The following KCNK2 variants were observed in gnomAD, a reference collection of about 807,000 sequenced individuals.
KCNK2 encodes potassium channel subfamily K member 2.
In KCNK2, 21 loss-of-function variants were observed where a neutral mutation model predicts 40.5. The observed-to-expected ratio is 0.52, with a 90% CI of 0.37 to 0.75. KCNK2 has a LOEUF of 0.75. Among genes scored for constraint, KCNK2 ranks in the 30% least tolerant of loss-of-function variants. The pLI is 0.00. For missense variants in KCNK2, 399 were observed against 531.6 expected (o/e 0.75, Z 2.45); for synonymous variants, 191 against 202.2 (o/e 0.94, Z 0.47).
At chr1:215,064,234 A>G (rs1256856112) in intron 1 of KCNK2, among the ~76,000 whole-genome samples, 1 of 152,208 alleles carries the variant, frequency 6.6e-6, no homozygotes, top group Non-Finnish European at 1.5e-5. Flanking sequence ...AACATCTAAA[A>G]TATCTTGAAA....
At chr1:215,172,325 A>T in intron 5 of KCNK2, 142 bp downstream of exon 5, 1 of 682,366 alleles carries the variant, frequency 1.5e-6, no homozygotes. Context: ...GGGTGGCTTT[A>T]AACAAAGCAA....
chr1:215,121,793 T>A (rs1444543086), intron 2 of KCNK2, among the ~76,000 whole-genome samples: 2 of 152,210 alleles, frequency 1.3e-5, no homozygotes, highest in African/African-American at 4.8e-5. Flanking sequence ...GTTTCTCTTC[T>A]CACTATGTAT....
intron 1 of KCNK2, among the ~76,000 whole-genome samples, chr1:215,061,502 A>G (rs1658359653): frequency 6.6e-6 from 1 of 152,162 alleles, no homozygotes; most frequent in African/African-American, 2.4e-5. Context: ...TTAAAAGTTA[A>G]AAGAAAAAAA....
chr1:215,124,536 C>A, intron 2 of KCNK2, 97 bp from the exon 3 acceptor site: 1 of 774,032 alleles, frequency 1.3e-6, no homozygotes, highest in Non-Finnish European at 2.3e-6. Flanking sequence ...AGAGTTGATT[C>A]TCTTTGTCAA....
At chr1:215,093,780 TATATTATATATTATATA>T (rs1659833109) in intron 2 of KCNK2, among the ~76,000 whole-genome samples, 1 of 15,444 alleles carries the variant, frequency 6.5e-5, no homozygotes, top group South Asian at 7.4e-4. Context: ...AAATATATTA[TATATTATATATTATATA>T]ATATAAAATA....
chr1:215,085,330 A>G (rs1280354671), intron 1 of KCNK2, among the ~76,000 whole-genome samples: 1 of 152,256 alleles, frequency 6.6e-6, no homozygotes, highest in East Asian at 1.9e-4. Context: ...TTTTTAGTTC[A>G]ATGTTGTCTT....
At chr1:215,209,986 A>G (rs1458892214) in intron 6 of KCNK2, among the ~76,000 whole-genome samples, 1,550 of 6,002 alleles carry the variant, frequency 0.26, 55 homozygotes, top group Middle Eastern at 0.5. Context: ...TATATTATAT[A>G]TAATATATAA....
intron 3 of KCNK2, among the ~76,000 whole-genome samples, chr1:215,126,482 T>C (rs1661441394): frequency 1.3e-5 from 2 of 151,928 alleles, no homozygotes; most frequent in Admixed American, 1.3e-4. Context: ...CTACTTAGAG[T>C]CTAGAAGAAA....
intron 2 of KCNK2, among the ~76,000 whole-genome samples, chr1:215,093,600 ATATAG>A (rs1302097124): frequency 9.6e-6 from 1 of 104,168 alleles, no homozygotes; most frequent in Non-Finnish European, 1.7e-5. Flanking sequence ...AATATATAAT[ATATAG>A]TATATATAAT....
chr1:215,013,380 T>G (rs1379537629), intron 1 of KCNK2, among the ~76,000 whole-genome samples: 1 of 152,200 alleles, frequency 6.6e-6, no homozygotes, highest in African/African-American at 2.4e-5. Context: ...AGTGTGAATC[T>G]TCTAAATTTG....
At chr1:215,157,077 C>T (rs535103304) in intron 3 of KCNK2, among the ~76,000 whole-genome samples, 6 of 152,214 alleles carry the variant, frequency 3.9e-5, no homozygotes, top group African/African-American at 1.4e-4. Flanking sequence ...ATTTATTTTC[C>T]TCCCACAAGG....
intron 2 of KCNK2, among the ~76,000 whole-genome samples, chr1:215,102,157 T>C (rs1161731020): frequency 6.6e-6 from 1 of 151,830 alleles, no homozygotes; most frequent in Non-Finnish European, 1.5e-5. Flanking sequence ...TTTCAGGAGG[T>C]ATTACAGAAG....
intron 5 of KCNK2, among the ~76,000 whole-genome samples, chr1:215,173,346 C>A (rs1323529153): frequency 6.6e-6 from 1 of 152,188 alleles, no homozygotes; most frequent in African/African-American, 2.4e-5. Flanking sequence ...ATATGTGCCA[C>A]ATTTTCTTAA....
intron 3 of KCNK2, among the ~76,000 whole-genome samples, chr1:215,167,334 C>A (rs75848824): frequency 5.4e-5 from 8 of 147,178 alleles, no homozygotes; most frequent in African/African-American, 5.0e-5. Context: ...GTAACAACGA[C>A]AAAAAAAAAA....
chr1:215,042,281 ATAAGATCAGGGG>A (rs1657597635), intron 1 of KCNK2, among the ~76,000 whole-genome samples: 1 of 152,196 alleles, frequency 6.6e-6, no homozygotes, highest in Non-Finnish European at 1.5e-5. Flanking sequence ...CAGATAGGAC[ATAAGATCAGGGG>A]CACAAGTACT....
chr1:215,024,966 AAC>A (rs1656952170), intron 1 of KCNK2, among the ~76,000 whole-genome samples: 1 of 33,654 alleles, frequency 3.0e-5, no homozygotes, highest in African/African-American at 4.7e-5. Context: ...TTTTTTTTTT[AAC>A]TGAGATAAAA....
At position 215,029,521 on chromosome 1, in the gene KCNK2, T is replaced by A. The variant is rs1173926287; in HGVS notation, c.34+23566T>A. Among the ~76,000 whole-genome samples the A allele has an allele frequency of 1.0e-4, 15 of 147,528 alleles. No individual in the cohort carries two copies. The East Asian group carries it at 2.9e-3, about 29-fold the overall frequency. On this transcript the variant is annotated intron_variant, in intron 1 of 6. Coordinates refer to the KCNK2 transcript ENST00000391895. ...ATATAAATAACAGAATATATTTAGA[T>A]ATTTAAATATAAATATATCCAAATA...
At chr1:215,098,425 T>C (rs1660073211) in intron 2 of KCNK2, among the ~76,000 whole-genome samples, 1 of 151,908 alleles carries the variant, frequency 6.6e-6, no homozygotes, top group Non-Finnish European at 1.5e-5. Flanking sequence ...ATCTGTTAGT[T>C]TTCACGTGAC....
At chr1:215,056,932 C>G (rs369613643) in intron 1 of KCNK2, among the ~76,000 whole-genome samples, 39 of 152,152 alleles carry the variant, frequency 2.6e-4, no homozygotes, top group African/African-American at 8.2e-4. Context: ...AACTAAACTG[C>G]TTTATAGGTA....
Sources: gnomAD v4.1 joint callset for allele counts (sites outside exome capture counted in the v4.1 genomes callset) on GRCh38, gnomAD v4.1.1 for gene constraint, MANE v1.5 for transcripts, NCBI Gene and HGNC (gene_info 2026-07-23, HGNC 2026-07-21) for gene names.